PLXDC2: variants seen among roughly 807,000 people sequenced by gnomAD.
PLXDC2 encodes plexin domain containing 2, also known as plexin domain-containing protein 2.
A neutral mutation model predicts 68.9 loss-of-function variants in PLXDC2; 40 were observed. That is an observed-to-expected ratio of 0.58 (90% CI 0.45 to 0.76). The LOEUF (loss-of-function observed/expected upper bound fraction) is 0.76. Among genes scored for constraint, PLXDC2 ranks in the 30% least tolerant of loss-of-function variants. The probability of loss-of-function intolerance (pLI) is 0.00; values close to 1 mark genes in which losing one functional copy is unlikely to be tolerated. For missense variants in PLXDC2, 644 were observed against 661.9 expected (o/e 0.97, Z 0.30); for synonymous variants, 243 against 234.2 (o/e 1.04, Z -0.34).
chr10:19,849,067 T>C (rs1241048996), intron 1 of PLXDC2, among the ~76,000 whole-genome samples: 5 of 152,186 alleles, frequency 3.3e-5, no homozygotes, highest in African/African-American at 1.2e-4. Flanking sequence ...ATGCCCTTGT[T>C]TTTTATTTAA....
At chr10:19,910,748 C>T (rs1833255229) in intron 1 of PLXDC2, among the ~76,000 whole-genome samples, 1 of 152,020 alleles carries the variant, frequency 6.6e-6, no homozygotes, top group Non-Finnish European at 1.5e-5. Flanking sequence ...CAGTGGCTCA[C>T]ACCTGTAATC....
intron 1 of PLXDC2, among the ~76,000 whole-genome samples, chr10:19,977,326 A>G (rs1834474195): frequency 6.6e-6 from 1 of 152,192 alleles, no homozygotes; most frequent in Non-Finnish European, 1.5e-5. Context: ...TCTCTGGCCT[A>G]ACCTCAAACT....
intron 6 of PLXDC2, among the ~76,000 whole-genome samples, chr10:20,158,553 C>A (rs1198333101): frequency 6.9e-6 from 1 of 144,930 alleles, no homozygotes; most frequent in African/African-American, 2.5e-5. Context: ...AAGCAAGCTA[C>A]TCGGGAGGCT....
intron 1 of PLXDC2, among the ~76,000 whole-genome samples, chr10:19,827,381 A>G (rs549559564): frequency 5.9e-5 from 9 of 152,264 alleles, no homozygotes; most frequent in Non-Finnish European, 7.4e-5. Flanking sequence ...CCATTTTAGA[A>G]TAAACATTTC....
intron 2 of PLXDC2, among the ~76,000 whole-genome samples, chr10:20,012,098 C>T (rs1302999005): frequency 6.6e-6 from 1 of 152,048 alleles, no homozygotes; most frequent in African/African-American, 2.4e-5. Context: ...ATTAGGTAGA[C>T]ACATCGATAG....
At chr10:20,136,428 A>G (rs1833934015) in intron 4 of PLXDC2, among the ~76,000 whole-genome samples, 1 of 152,196 alleles carries the variant, frequency 6.6e-6, no homozygotes, top group Non-Finnish European at 1.5e-5. Flanking sequence ...CTCGTGCAAA[A>G]CATAATTTGA....
chr10:20,091,471 T>A (rs1833275459), intron 4 of PLXDC2, among the ~76,000 whole-genome samples: 1 of 152,218 alleles, frequency 6.6e-6, no homozygotes, highest in South Asian at 2.1e-4. Context: ...GTTTTCTGAC[T>A]CATTGTTATT....
intron 1 of PLXDC2, among the ~76,000 whole-genome samples, chr10:19,819,016 A>G (rs1486236698): frequency 1.4e-5 from 2 of 143,162 alleles, no homozygotes; most frequent in African/African-American, 5.4e-5. Context: ...CGTTACTGAA[A>G]AAAGAATATA....
At chr10:19,843,640 C>A (rs1172923712) in intron 1 of PLXDC2, among the ~76,000 whole-genome samples, 2 of 152,058 alleles carry the variant, frequency 1.3e-5, no homozygotes, top group African/African-American at 4.8e-5. Flanking sequence ...AACTGGAGGT[C>A]ATTATATTAG....
chr10:20,143,653 A>G (rs1364855694), intron 5 of PLXDC2, among the ~76,000 whole-genome samples: 1 of 152,126 alleles, frequency 6.6e-6, no homozygotes, highest in Non-Finnish European at 1.5e-5. Flanking sequence ...TGCTGTAGAC[A>G]AGACCTCAGA....
At chr10:19,885,946 G>A (rs1018275210) in intron 1 of PLXDC2, among the ~76,000 whole-genome samples, 10 of 152,052 alleles carry the variant, frequency 6.6e-5, no homozygotes, top group Non-Finnish European at 1.2e-4. Flanking sequence ...ACCTTGGGCA[G>A]TATGGCCATT....
At chr10:19,924,414 A>G (rs987313686) in intron 1 of PLXDC2, among the ~76,000 whole-genome samples, 12 of 152,122 alleles carry the variant, frequency 7.9e-5, no homozygotes, top group Non-Finnish European at 1.3e-4. Flanking sequence ...TGTGTTATGT[A>G]TATAATTTAC....
chr10:19,859,072 A>C lies in PLXDC2; in HGVS notation c.112+41881A>C, dbSNP rs575416787. ...AGCGAGGGAGAGAGGAGGAGGTGCC[A>C]GGCTTTCTTCAACAAAAAGTTCTCA... On this transcript the variant is annotated intron_variant, in intron 1 of 13. Coordinates refer to ENST00000377252, the MANE Select transcript of PLXDC2 (RefSeq NM_032812.9). Among the ~76,000 whole-genome samples, 19 of 151,958 alleles carry C rather than the reference A, an allele frequency of 1.3e-4. No individual in the cohort carries two copies. The East Asian group carries it at 3.3e-3, about 26-fold the overall frequency.
chr10:20,017,322 C>T (rs560215295), intron 2 of PLXDC2, among the ~76,000 whole-genome samples: 1 of 152,288 alleles, frequency 6.6e-6, no homozygotes, highest in African/African-American at 2.4e-5. Flanking sequence ...TGGGACCCTT[C>T]CAGGGTTGTG....
intron 12 of PLXDC2, among the ~76,000 whole-genome samples, chr10:20,232,063 G>A (rs1768422029): frequency 1.3e-5 from 2 of 151,532 alleles, no homozygotes; most frequent in African/African-American, 4.8e-5. Context: ...AAATGAAAAG[G>A]CAGGTTACAG....
intron 13 of PLXDC2, among the ~76,000 whole-genome samples, chr10:20,271,132 GACAC>G (rs55677642): frequency 8.2e-5 from 8 of 97,854 alleles, no homozygotes; most frequent in East Asian, 2.6e-4. Context: ...ACAAAAAACA[GACAC>G]ACACACACAC....
chr10:20,226,672 G>T (rs1427900909), intron 12 of PLXDC2, among the ~76,000 whole-genome samples: 2 of 152,124 alleles, frequency 1.3e-5, no homozygotes, highest in African/African-American at 4.8e-5. Flanking sequence ...TTATGCTGCC[G>T]ATAGGACACA....
At position 20,127,983 on chromosome 10, in the gene PLXDC2, A is replaced by G. The variant is rs187960142; in HGVS notation, c.542-15312A>G. Among the ~76,000 whole-genome samples, 140 of 152,328 alleles carry G rather than the reference A, an allele frequency of 9.2e-4. 1 individual carries two copies. The highest frequency in any genetic ancestry group is 2.9e-3 in the African/African-American group (121 of 41,584). On this transcript the variant is annotated intron_variant, in intron 4 of 13. Coordinates refer to ENST00000377252, the MANE Select transcript of PLXDC2 (RefSeq NM_032812.9). ...CTAATAATGTAGAGCTGTTCTAGAC[A>G]GTATCTATCCCAAATGGGTTATGTA... is the stretch of plus-strand genomic sequence containing the variant.
chr10:19,952,699 T>C (rs866039055), intron 1 of PLXDC2, among the ~76,000 whole-genome samples: 1 of 152,304 alleles, frequency 6.6e-6, no homozygotes, highest in South Asian at 2.1e-4. Flanking sequence ...TGCTTGGATA[T>C]GTACCTATTT....
Sources: gnomAD v4.1 joint callset for allele counts (sites outside exome capture counted in the v4.1 genomes callset) on GRCh38, gnomAD v4.1.1 for gene constraint, MANE v1.5 for transcripts, NCBI Gene and HGNC (gene_info 2026-07-23, HGNC 2026-07-21) for gene names.